Variants in HTR4 observed in about 807,000 individuals in gnomAD.
The protein encoded by HTR4 is 5-hydroxytryptamine receptor 4.
Under a neutral mutation model 36.8 loss-of-function variants are expected in HTR4, and 16 were observed. The ratio of observed to expected loss-of-function variants is 0.43; its 90% CI spans 0.29 to 0.66. The LOEUF (loss-of-function observed/expected upper bound fraction) is 0.66, where lower values mean the gene tolerates loss of function less well. Among genes scored for constraint, HTR4 ranks in the 30% least tolerant of loss-of-function variants. The pLI, the probability that HTR4 is intolerant of heterozygous loss-of-function variation, is 0.13. For synonymous variants in HTR4, 189 were observed against 185.1 expected, an observed-to-expected ratio of 1.02 and a Z score of -0.17; for missense variants, 438 against 490.9, an observed-to-expected ratio of 0.89 and a Z score of 1.02.
intron 2 of HTR4, among the ~76,000 whole-genome samples, chr5:148,625,039 A>G (rs1753044730): frequency 6.6e-6 from 1 of 152,150 alleles, no homozygotes; most frequent in Non-Finnish European, 1.5e-5. Context: ...GGAGGTCAGG[A>G]GGCTTGGGGG....
chr5:148,632,172 C>A (rs144582657), intron 2 of HTR4, among the ~76,000 whole-genome samples: 3 of 151,982 alleles, frequency 2.0e-5, no homozygotes, highest in African/African-American at 7.3e-5. Flanking sequence ...CAAGACGAAG[C>A]GATTAAAAGG....
intron 2 of HTR4, among the ~76,000 whole-genome samples, chr5:148,602,779 C>T (rs927730200): frequency 6.6e-6 from 1 of 151,966 alleles, no homozygotes; most frequent in African/African-American, 2.4e-5. Flanking sequence ...AAATAAGGCA[C>T]AAGTTATCAG....
chr5:148,469,885 G>C (rs1251290847), intron 5 of HTR4, among the ~76,000 whole-genome samples: 2 of 152,232 alleles, frequency 1.3e-5, no homozygotes, highest in Non-Finnish European at 2.9e-5. Context: ...TCTGGCGCTA[G>C]TCCACATTCC....
At chr5:148,616,633 A>G (rs1308758270) in intron 2 of HTR4, among the ~76,000 whole-genome samples, 1 of 152,246 alleles carries the variant, frequency 6.6e-6, no homozygotes, top group Non-Finnish European at 1.5e-5. Flanking sequence ...AAAAAGCAGA[A>G]AAATATAGAC....
intron 5 of HTR4, among the ~76,000 whole-genome samples, chr5:148,457,959 A>T (rs866861934): frequency 4.5e-5 from 2 of 44,240 alleles, no homozygotes; most frequent in Admixed American, 2.1e-4. Flanking sequence ...TTAAATATAT[A>T]TTAAAATATA....
chr5:148,515,614 G>T (rs112644921), intron 5 of HTR4, among the ~76,000 whole-genome samples: 14 of 152,188 alleles, frequency 9.2e-5, no homozygotes, highest in African/African-American at 3.4e-4. Flanking sequence ...ATTCTAAGTT[G>T]TAGATTTTCA....
intron 2 of HTR4, among the ~76,000 whole-genome samples, chr5:148,620,286 T>C (rs999834794): frequency 6.6e-6 from 1 of 152,196 alleles, no homozygotes; most frequent in African/African-American, 2.4e-5. Context: ...TTAAACATTG[T>C]GTTGAAAAGG....
intron 5 of HTR4, among the ~76,000 whole-genome samples, chr5:148,513,759 C>T (rs1214085500): frequency 6.6e-6 from 1 of 151,990 alleles, no homozygotes; most frequent in African/African-American, 2.4e-5. Flanking sequence ...CATGGTAATT[C>T]CTTCCCTTTG....
intron 4 of HTR4, 127 bp from the exon 5 acceptor site, chr5:148,523,473 A>G: frequency 3.3e-6 from 2 of 599,980 alleles, no homozygotes; most frequent in Non-Finnish European, 5.4e-6. Context: ...AACAGCAAAC[A>G]TTGAGGAGAA....
At chr5:148,519,015 T>C (rs1209164394) in intron 5 of HTR4, among the ~76,000 whole-genome samples, 1 of 152,202 alleles carries the variant, frequency 6.6e-6, no homozygotes, top group Non-Finnish European at 1.5e-5. Flanking sequence ...ACTGAAATTT[T>C]TTTTACCATT....
intron 6 of HTR4, among the ~76,000 whole-genome samples, chr5:148,508,919 C>T (rs1384938178): frequency 6.6e-6 from 1 of 151,998 alleles, no homozygotes; most frequent in South Asian, 2.1e-4. Flanking sequence ...ACATTCTCAT[C>T]TGTTTTAAAG....
At position 148,523,295 on chromosome 5, in the gene HTR4, A is replaced by T. The variant is rs1198788276; in HGVS notation, c.405T>A (p.Pro135=). ...CTCCCAGCATTAATGCGATGCGCAG[A>T]GGGGTCATCTTGTTCCTATAGACCA... The part of the protein sequence containing the change: ...QPLVYRNKMT[P]LRIALMLGGC... The change falls in exon 5 of 7, where the codon CCT becomes CCA. Residue 135 remains proline, a synonymous_variant. Coordinates refer to ENST00000377888, the MANE Select transcript of HTR4 (RefSeq NM_000870.7). 6.2e-7 allele frequency: 1 copy of T among 1,613,282 alleles called. No individual in the cohort carries two copies. The highest frequency in any genetic ancestry group is 1.1e-5 in the South Asian group (1 of 91,000).
At chr5:148,537,272 A>G (rs1477001174) in intron 4 of HTR4, among the ~76,000 whole-genome samples, 1 of 152,166 alleles carries the variant, frequency 6.6e-6, no homozygotes, top group Non-Finnish European at 1.5e-5. Context: ...CTAAATGCTC[A>G]CATCAAAAAG....
intron 1 of HTR4, among the ~76,000 whole-genome samples, chr5:148,642,113 C>T (rs936440728): frequency 6.6e-6 from 1 of 152,184 alleles, no homozygotes; most frequent in African/African-American, 2.4e-5. Context: ...ACTATGCCTA[C>T]ATGGGTTAAA....
intron 6 of HTR4, among the ~76,000 whole-genome samples, chr5:148,500,245 A>T (rs1214722786): frequency 6.6e-6 from 1 of 152,106 alleles, no homozygotes; most frequent in Non-Finnish European, 1.5e-5. Flanking sequence ...GGAGATATTG[A>T]TCAAAGAGTG....
chr5:148,638,908 G>C (rs779830048), intron 1 of HTR4, among the ~76,000 whole-genome samples: 2 of 151,614 alleles, frequency 1.3e-5, no homozygotes, highest in African/African-American at 4.9e-5. Flanking sequence ...TTAGATGGGC[G>C]TGGTGATATA....
rs377473714 is a variant in HTR4, at chr5:148,654,494, C to T, written c.-480G>A. On this transcript the variant is annotated 5_prime_UTR_variant, in exon 1 of 7. Coordinates refer to ENST00000377888, the MANE Select transcript of HTR4 (RefSeq NM_000870.7). ...ATCTCACCCGTTCCGGGCTGGCCAG[C>T]ACGCGCCCTCCCTGGCCGGAGCGCT... 349 of 985,594 alleles carry T rather than the reference C, an allele frequency of 3.5e-4. No homozygotes were observed. In the African/African-American group the frequency reaches 4.7e-3, roughly 13 times the overall value. The allele number at this position is 985,594 out of a possible 1,614,324, so 61.1% of individuals were successfully genotyped here.
intron 2 of HTR4, among the ~76,000 whole-genome samples, chr5:148,581,427 CAAG>C (rs1199944330): frequency 2.1e-5 from 3 of 140,956 alleles, no homozygotes; most frequent in Non-Finnish European, 4.5e-5. Flanking sequence ...AGATCAATGA[CAAG>C]AAGCTTTTCC....
intron 5 of HTR4, among the ~76,000 whole-genome samples, chr5:148,460,115 GA>G (rs577425045): frequency 1.4e-5 from 2 of 146,080 alleles, no homozygotes; most frequent in African/African-American, 5.1e-5. Flanking sequence ...AAAAAAGACA[GA>G]AAAAAAATAC....
Sources: allele counts gnomAD v4.1 joint callset (sites outside exome capture counted in the v4.1 genomes callset), GRCh38; gene constraint gnomAD v4.1.1; transcripts MANE v1.5; gene names NCBI Gene and HGNC (gene_info 2026-07-23, HGNC 2026-07-21).